The following SOBP variants were observed in gnomAD, a reference collection of about 807,000 sequenced individuals.
SOBP encodes sine oculis-binding protein homolog.
A neutral mutation model predicts 53.6 loss-of-function variants in SOBP; 4 were observed. The observed-to-expected ratio is 0.07, with a 90% CI of 0.04 to 0.17. The LOEUF is 0.17. Ranked by LOEUF, SOBP falls within the 10% of genes least tolerant of loss-of-function variation. The pLI is 1.00. For missense variants in SOBP, 1,088 were observed against 1,204.7 expected, an observed-to-expected ratio of 0.90 and a Z score of 1.43; for synonymous variants, 584 against 522.6, an observed-to-expected ratio of 1.12 and a Z score of -1.60.
At chr6:107,603,812 T>A (rs994289319) in intron 5 of SOBP, among the ~76,000 whole-genome samples, 1 of 151,980 alleles carries the variant, frequency 6.6e-6, no homozygotes, top group African/African-American at 2.4e-5. Context: ...GGACCTAGAG[T>A]TCCCCAAATC....
chr6:107,629,122 G>A (rs1393303641), intron 5 of SOBP, among the ~76,000 whole-genome samples: 6 of 152,062 alleles, frequency 3.9e-5, no homozygotes, highest in African/African-American at 1.4e-4. Flanking sequence ...CGTCTGAGCT[G>A]TTACCTAGGA....
At position 107,522,650 on chromosome 6, in the gene SOBP, C is replaced by A. The variant is rs1327800004; in HGVS notation, c.422-10809C>A. Among the ~76,000 whole-genome samples, 11 of 147,428 alleles carry A rather than the reference C, an allele frequency of 7.5e-5. No individual in the cohort carries two copies. The Admixed American group carries it at 7.8e-4, about 10-fold the overall frequency. On this transcript the variant is annotated intron_variant, in intron 3 of 6. Coordinates refer to ENST00000317357, the MANE Select transcript of SOBP (RefSeq NM_018013.4). ...TTGACCTCCCTGAGCTCAGGTGATC[C>A]TCCCACCTCTGCCTCCTCAGTATCT...
At chr6:107,608,822 T>C (rs866451859) in intron 5 of SOBP, among the ~76,000 whole-genome samples, 2 of 152,184 alleles carry the variant, frequency 1.3e-5, no homozygotes, top group South Asian at 4.1e-4. Flanking sequence ...AGGGAAAAAG[T>C]ATCGAAGAGG....
Position 107,599,492 on chromosome 6 carries a change from T to G in SOBP, c.669+12317T>G, listed in dbSNP as rs188182147. On this transcript the variant is annotated intron_variant, in intron 5 of 6. Transcript: ENST00000317357. ...ATGTATAGGACTCTAGACAGAAAAC[T>G]GGTATTTATCCAATTATAATCCTAA... Among the ~76,000 whole-genome samples the G allele has an allele frequency of 9.8e-3, 1,488 of 152,190 alleles. 11 individuals are homozygous for G. Among genetic ancestry groups the G allele is most frequent in the Middle Eastern group, 0.02 (6 of 294 alleles).
rs1413814785 is a variant in SOBP at position 107,512,601 on chromosome 6, G to A, written c.421+6174G>A. ...TCAATTTTCTGCAGAGGTAGGGCAG[G>A]TTTGGGTCTCCCCACCTTGTCAACT... On this transcript the variant is annotated intron_variant, in intron 3 of 6. Coordinates refer to ENST00000317357, the MANE Select transcript of SOBP (RefSeq NM_018013.4). 3.3e-5 allele frequency among the ~76,000 whole-genome samples: 5 copies of A among 152,230 alleles called. No homozygotes were observed. The East Asian group carries it at 5.8e-4, about 18-fold the overall frequency.
intron 6 of SOBP, among the ~76,000 whole-genome samples, chr6:107,648,667 G>T (rs1323590967): frequency 2.6e-5 from 4 of 152,106 alleles, no homozygotes; most frequent in Non-Finnish European, 4.4e-5. Context: ...AAGAAGGGGG[G>T]AGATGGAACA....
At chr6:107,619,324 T>G (rs1227314483) in intron 5 of SOBP, among the ~76,000 whole-genome samples, 1 of 152,224 alleles carries the variant, frequency 6.6e-6, no homozygotes, top group African/African-American at 2.4e-5. Flanking sequence ...AAGCCTACTT[T>G]AAAAATAAAA....
At chr6:107,633,142 T>C (rs1770791849) in intron 5 of SOBP, among the ~76,000 whole-genome samples, 1 of 152,220 alleles carries the variant, frequency 6.6e-6, no homozygotes, top group African/African-American at 2.4e-5. Context: ...AACCTTTCCC[T>C]CCAAAACTCT....
At chr6:107,529,380 AGTC>A (rs1280948375) in intron 3 of SOBP, 6 of 864,854 alleles carry the variant, frequency 6.9e-6, no homozygotes, top group Non-Finnish European at 8.3e-6. Flanking sequence ...AACACACAGG[AGTC>A]TCCTCAGACT....
rs374572179 is a variant in SOBP, at chr6:107,533,619, A to G, written c.573+9A>G. On this transcript the variant is annotated intron_variant, in intron 4 of 6. Transcript: ENST00000317357. ...ACTTCAAGAGAAATAAGGTAAGAGC[A>G]CCGGAGAGAGAGGCGGCCCCCCACA... is the stretch of plus-strand genomic sequence containing the variant. The G allele has an allele frequency of 1.4e-5, 22 of 1,613,606 alleles. No homozygotes were observed. The highest frequency in any genetic ancestry group is 3.3e-4 in the Middle Eastern group (2 of 6,078).
intron 5 of SOBP, among the ~76,000 whole-genome samples, chr6:107,599,122 A>G (rs1004406375): frequency 6.6e-6 from 1 of 152,150 alleles, no homozygotes; most frequent in African/African-American, 2.4e-5. Context: ...TCTAGTGTGT[A>G]TACCCTGGAA....
At chr6:107,538,259 C>T (rs973814620) in intron 4 of SOBP, among the ~76,000 whole-genome samples, 1 of 152,096 alleles carries the variant, frequency 6.6e-6, no homozygotes, top group African/African-American at 2.4e-5. Context: ...AATTATAGAA[C>T]CAAGTAGTAC....
intron 4 of SOBP, among the ~76,000 whole-genome samples, chr6:107,586,364 C>G (rs1458707780): frequency 6.6e-6 from 1 of 152,188 alleles, no homozygotes; most frequent in Non-Finnish European, 1.5e-5. Flanking sequence ...CTCTCCCACT[C>G]CAAACCAGAA....
At chr6:107,554,198 G>A (rs1784543660) in intron 4 of SOBP, among the ~76,000 whole-genome samples, 1 of 152,208 alleles carries the variant, frequency 6.6e-6, no homozygotes, top group Non-Finnish European at 1.5e-5. Flanking sequence ...TTTGGCCTGA[G>A]AGCTAGAGAT....
chr6:107,565,609 G>A (rs1302374332), intron 4 of SOBP, among the ~76,000 whole-genome samples: 1 of 152,188 alleles, frequency 6.6e-6, no homozygotes, highest in Non-Finnish European at 1.5e-5. Context: ...GAATGAGATA[G>A]GTGTGGGATG....
chr6:107,565,926 T>C (rs1384058121), intron 4 of SOBP, among the ~76,000 whole-genome samples: 1 of 152,210 alleles, frequency 6.6e-6, no homozygotes, highest in Non-Finnish European at 1.5e-5. Flanking sequence ...AAGCATAATG[T>C]TGTACTTTTC....
chr6:107,643,856 T>C lies in SOBP; in HGVS notation c.*3+8387T>C, dbSNP rs17068436. 8.1e-3 allele frequency among the ~76,000 whole-genome samples: 1,230 copies of C among 152,394 alleles called. 18 individuals are homozygous for C. Among genetic ancestry groups the C allele is most frequent in the East Asian group, 0.054 (283 of 5,196 alleles). On this transcript the variant is annotated intron_variant, in intron 6 of 6. Coordinates refer to ENST00000317357, the MANE Select transcript of SOBP (RefSeq NM_018013.4). ...TGCATTCACATTCTTCTTGCTTTTC[T>C]GGTTTTAATTCAAATGTCATTTTTA...
rs140388225 is a variant in SOBP at position 107,503,648 on chromosome 6, C to G, written c.97-9C>G. 1 of 1,614,014 alleles carries G rather than the reference C, an allele frequency of 6.2e-7. No homozygotes were observed. The highest frequency in any genetic ancestry group is 1.3e-5 in the African/African-American group (1 of 75,050). On this transcript the variant is annotated splice_polypyrimidine_tract_variant and intron_variant, in intron 1 of 6. Transcript: ENST00000317357. Reference sequence around the variant, plus strand: ...TAGAAATAAGTAGTAGCCTATGCTTCTCTTTCAGAACTTTGCAGAAAACAC... The same window carrying G: ...TAGAAATAAGTAGTAGCCTATGCTTGTCTTTCAGAACTTTGCAGAAAACAC...
chr6:107,505,432 C>G (rs1309247007), intron 2 of SOBP, among the ~76,000 whole-genome samples: 1 of 151,844 alleles, frequency 6.6e-6, no homozygotes, highest in African/African-American at 2.4e-5. Context: ...AAGCGATTCT[C>G]GTGCCTCAAC....
Sources: allele counts gnomAD v4.1 joint callset (sites outside exome capture counted in the v4.1 genomes callset), GRCh38; gene constraint gnomAD v4.1.1; transcripts MANE v1.5; gene names NCBI Gene and HGNC (gene_info 2026-07-23, HGNC 2026-07-21).